The following MYO16 variants were observed in gnomAD, a reference collection of about 807,000 sequenced individuals.
MYO16 encodes the protein myosin XVI, also known as unconventional myosin-XVI.
MYO16 carries 94 observed loss-of-function variants against 205.3 expected under a neutral mutation model. The observed-to-expected ratio is 0.46, with a 90% CI of 0.39 to 0.54. The LOEUF is 0.54. MYO16 is among the 20% of genes least tolerant of loss of function. The probability of loss-of-function intolerance (pLI) is 0.00; values close to 1 mark genes in which losing one functional copy is unlikely to be tolerated. For missense variants in MYO16, 2,315 were observed against 2,387.5 expected (o/e 0.97, Z 0.63); for synonymous variants, 988 against 954.0 (o/e 1.04, Z -0.66).
the MYO16 span, among the ~76,000 whole-genome samples, chr13:108,507,211 C>T: frequency 1.3e-5 from 2 of 152,072 alleles, no homozygotes; most frequent in African/African-American, 4.8e-5. Flanking sequence ...TTAACTTTGC[C>T]AGAGATCTTT....
intron 28 of MYO16, among the ~76,000 whole-genome samples, chr13:109,113,738 T>C (rs1296235551): frequency 6.6e-6 from 1 of 151,048 alleles, no homozygotes; most frequent in African/African-American, 2.4e-5. Context: ...AAGGCAAGAG[T>C]GGGTAGGGAT....
chr13:108,758,064 A>T (rs1028836157), intron 4 of MYO16, among the ~76,000 whole-genome samples: 1 of 152,194 alleles, frequency 6.6e-6, no homozygotes, highest in Non-Finnish European at 1.5e-5. Context: ...ACAGAGAGCT[A>T]GCTGGCCCCT....
chr13:108,595,925 C>T (rs1055972036), upstream of MYO16, among the ~76,000 whole-genome samples: 40 of 134,750 alleles, frequency 3.0e-4, no homozygotes, highest in Non-Finnish European at 5.9e-4. Context: ...GCTAAGGCTT[C>T]CCTTTTAATT....
chr13:109,102,522 A>G (rs1430867613), intron 28 of MYO16, among the ~76,000 whole-genome samples: 7 of 151,388 alleles, frequency 4.6e-5, no homozygotes, highest in Non-Finnish European at 1.0e-4. Flanking sequence ...ATATATATAT[A>G]TATCTGTGAG....
intron 34 of MYO16, among the ~76,000 whole-genome samples, chr13:109,184,607 G>A (rs1381073174): frequency 4.0e-5 from 6 of 151,494 alleles, no homozygotes; most frequent in African/African-American, 1.2e-4. Context: ...TTTTTTGTTT[G>A]TGTGTGTGTT....
chr13:108,658,986 G>A (rs1881368048), intron 1 of MYO16, among the ~76,000 whole-genome samples: 1 of 151,618 alleles, frequency 6.6e-6, no homozygotes, highest in South Asian at 2.1e-4. Context: ...AGAGTACCAT[G>A]GCCACAGGAA....
At chr13:108,666,417 G>C (rs190817701) in intron 2 of MYO16, among the ~76,000 whole-genome samples, 102 of 152,034 alleles carry the variant, frequency 6.7e-4, no homozygotes, top group Non-Finnish European at 9.7e-4. Flanking sequence ...TATCAGTAAA[G>C]CAAGTGAGTT....
chr13:108,926,027 G>C (rs1010408451), intron 16 of MYO16, among the ~76,000 whole-genome samples: 2 of 152,216 alleles, frequency 1.3e-5, no homozygotes, highest in African/African-American at 4.8e-5. Flanking sequence ...CAGCCACCTT[G>C]TTCTGACCGC....
chr13:109,179,693 A>T (rs1879374311), intron 34 of MYO16, 60 bp downstream of exon 34: 2 of 1,368,320 alleles, frequency 1.5e-6, no homozygotes, highest in Non-Finnish European at 2.1e-6. Flanking sequence ...ATGACAAGGC[A>T]TTCATTAACT....
chr13:108,964,358 T>C (rs1233231118), intron 19 of MYO16, among the ~76,000 whole-genome samples: 1 of 152,214 alleles, frequency 6.6e-6, no homozygotes, highest in Non-Finnish European at 1.5e-5. Flanking sequence ...AGATCATGCC[T>C]TTGAAAATAT....
At chr13:108,599,233 G>A (rs1231052824) in intron 1 of MYO16, among the ~76,000 whole-genome samples, 1 of 150,018 alleles carries the variant, frequency 6.7e-6, no homozygotes, top group Non-Finnish European at 1.5e-5. Flanking sequence ...TCTTAATCCA[G>A]TCTATCATTG....
upstream of MYO16, among the ~76,000 whole-genome samples, chr13:108,595,872 A>G (rs1878538066): frequency 7.0e-6 from 1 of 143,126 alleles, no homozygotes; most frequent in Non-Finnish European, 1.5e-5. Flanking sequence ...CAAATTCAGA[A>G]ATTAAGTCCT....
intron 27 of MYO16, among the ~76,000 whole-genome samples, chr13:109,091,805 G>A (rs1368481635): frequency 1.3e-5 from 2 of 152,096 alleles, no homozygotes; most frequent in East Asian, 1.9e-4. Flanking sequence ...AGTCTTTCTG[G>A]AAGAGCACGA....
intron 4 of MYO16, among the ~76,000 whole-genome samples, chr13:108,751,247 C>T (rs1885228629): frequency 6.6e-6 from 1 of 151,936 alleles, no homozygotes; most frequent in African/African-American, 2.4e-5. Context: ...GAATCTAGGT[C>T]TTGCATGAAA....
chr13:108,640,909 C>A (rs1880477260), intron 1 of MYO16, among the ~76,000 whole-genome samples: 1 of 152,226 alleles, frequency 6.6e-6, no homozygotes, highest in South Asian at 2.1e-4. Flanking sequence ...TTAAGAGTGA[C>A]TGTTCTGTCA....
chr13:109,165,280 A>G (rs1878601709), intron 33 of MYO16, among the ~76,000 whole-genome samples: 1 of 152,224 alleles, frequency 6.6e-6, no homozygotes, highest in African/African-American at 2.4e-5. Flanking sequence ...CCGAAATTTT[A>G]TGGAGTGTTA....
intron 15 of MYO16, among the ~76,000 whole-genome samples, chr13:108,900,964 C>T (rs543908743): frequency 4.6e-5 from 7 of 152,210 alleles, no homozygotes; most frequent in African/African-American, 1.7e-4. Flanking sequence ...CTGAAATGGC[C>T]GCTTTGGGGA....
intron 12 of MYO16, among the ~76,000 whole-genome samples, chr13:108,867,825 A>T (rs909406369): frequency 6.6e-6 from 1 of 152,170 alleles, no homozygotes; most frequent in East Asian, 1.9e-4. Flanking sequence ...GTCAAACGTG[A>T]CATACCTCCC....
the MYO16 span, among the ~76,000 whole-genome samples, chr13:108,581,379 C>G: frequency 6.6e-6 from 1 of 152,098 alleles, no homozygotes; most frequent in Admixed American, 6.6e-5. Flanking sequence ...AATATGCAAG[C>G]TACATTGAAC....
Sources: allele counts gnomAD v4.1 joint callset (sites outside exome capture counted in the v4.1 genomes callset), GRCh38; gene constraint gnomAD v4.1.1; transcripts MANE v1.5; gene names NCBI Gene and HGNC (gene_info 2026-07-23, HGNC 2026-07-21).